Variants in ANO1 observed in about 807,000 individuals in gnomAD.
The protein encoded by ANO1 is anoctamin 1, also known as anoctamin-1.
ANO1 carries 59 observed loss-of-function variants against 124.0 expected under a neutral mutation model. The ratio of observed to expected loss-of-function variants is 0.48; its 90% CI spans 0.39 to 0.59. The LOEUF (loss-of-function observed/expected upper bound fraction) is 0.59. Ranked by LOEUF, ANO1 falls within the 20% of genes least tolerant of loss-of-function variation. The pLI is 0.00. For synonymous variants in ANO1, 529 were observed against 532.0 expected, an observed-to-expected ratio of 0.99 and a Z score of 0.08; for missense variants, 1,059 against 1,328.0, an observed-to-expected ratio of 0.80 and a Z score of 3.15.
chr11:70,065,603 C>G (rs1175692857), intron 1 of ANO1, among the ~76,000 whole-genome samples: 1 of 152,048 alleles, frequency 6.6e-6, no homozygotes, highest in Non-Finnish European at 1.5e-5. Context: ...GCCTGGCCCT[C>G]CCAACTTCCT....
Position 70,104,102 on chromosome 11 carries a change from A to T in ANO1, c.644A>T (p.Gln215Leu), listed in dbSNP as rs1041983301. 1.2e-5 allele frequency: 19 copies of T among 1,613,040 alleles called. No individual in the cohort carries two copies. Among genetic ancestry groups the T allele is most frequent in the Non-Finnish European group, 1.4e-5 (16 of 1,179,654 alleles). The change falls in exon 4 of 26, where the codon CAG becomes CTG. Residue 215 changes from glutamine (Q) to leucine (L), a missense_variant. By Grantham distance (113) the Gln-to-Leu change is moderately radical. This residue lies in a region of ANO1 where 809 missense variants were observed against 1,094.9 expected (regional missense o/e 0.74). Coordinates refer to ENST00000355303, the MANE Select transcript of ANO1 (RefSeq NM_018043.7). ...CCCAAAGTGGCTGAGCACAGGCCCC[A>T]GACCATGAAGAGACTCTCCTATCCC... ...IQPKVAEHRPQTMKRLSYPFS... is the reference protein window; with the variant it reads ...IQPKVAEHRPLTMKRLSYPFS...
upstream of ANO1, among the ~76,000 whole-genome samples, chr11:69,981,567 G>A (rs181851996): frequency 7.1e-4 from 108 of 152,324 alleles, no homozygotes; most frequent in African/African-American, 2.4e-3. Context: ...TATCAGAGCG[G>A]AGGACTGTCA....
chr11:70,067,950 C>G (rs1857772651), intron 1 of ANO1, among the ~76,000 whole-genome samples: 1 of 152,220 alleles, frequency 6.6e-6, no homozygotes, highest in Non-Finnish European at 1.5e-5. Flanking sequence ...ATCAGCCTCA[C>G]ACCTGCGGGT....
At chr11:70,021,992 C>G (rs1021410283) in intron 1 of ANO1, among the ~76,000 whole-genome samples, 1 of 152,188 alleles carries the variant, frequency 6.6e-6, no homozygotes, top group African/African-American at 2.4e-5. Flanking sequence ...CTGCTGTGTG[C>G]TCAGATCAGA....
At chr11:70,160,071 C>A (rs1164431869) in intron 16 of ANO1, among the ~76,000 whole-genome samples, 8 of 152,182 alleles carry the variant, frequency 5.3e-5, no homozygotes. Flanking sequence ...CAGGCTGCAA[C>A]TGGGAGACAC....
chr11:70,115,039 C>T (rs910914233), intron 7 of ANO1, among the ~76,000 whole-genome samples: 9 of 152,144 alleles, frequency 5.9e-5, no homozygotes, highest in African/African-American at 2.2e-4. Context: ...GCTGGGATCG[C>T]GTGGCTGTCT....
intron 1 of ANO1, among the ~76,000 whole-genome samples, chr11:70,062,726 C>T (rs1489452254): frequency 1.3e-5 from 2 of 152,178 alleles, no homozygotes; most frequent in Non-Finnish European, 1.5e-5. Context: ...CCTGCCTGTC[C>T]TCTGGGCCCA....
At chr11:69,989,665 G>A (rs1244585102) in intron 1 of ANO1, among the ~76,000 whole-genome samples, 8 of 152,126 alleles carry the variant, frequency 5.3e-5, no homozygotes, top group African/African-American at 1.9e-4. Flanking sequence ...GCTGACTTGG[G>A]TTCTAACAGG....
intron 24 of ANO1, among the ~76,000 whole-genome samples, chr11:70,185,029 TAA>T (rs1341088288): frequency 6.6e-6 from 1 of 152,178 alleles, no homozygotes; most frequent in Non-Finnish European, 1.5e-5. Context: ...ACCTGGCTAA[TAA>T]AGTGCTCAGA....
intron 1 of ANO1, among the ~76,000 whole-genome samples, chr11:70,057,684 G>A (rs1480902889): frequency 6.6e-6 from 1 of 152,126 alleles, no homozygotes; most frequent in Non-Finnish European, 1.5e-5. Flanking sequence ...AATGTCACAA[G>A]GTCGATTGAT....
At chr11:70,097,628 G>T (rs988523700) in intron 2 of ANO1, among the ~76,000 whole-genome samples, 4 of 152,216 alleles carry the variant, frequency 2.6e-5, no homozygotes, top group Admixed American at 1.3e-4. Context: ...GGGACAAGGG[G>T]CTCTGGGCCT....
chr11:70,105,873 T>C, intron 5 of ANO1, 85 bp downstream of exon 5: 1 of 1,383,004 alleles, frequency 7.2e-7, no homozygotes, highest in Non-Finnish European at 1.0e-6. Context: ...GTGAAACTCC[T>C]CCCGGTGGAA....
In ANO1 at chr11:70,066,779, C is replaced by T. The variant is rs933070610; in HGVS notation, c.59-11763C>T. Among the ~76,000 whole-genome samples the T allele has an allele frequency of 2.0e-5, 3 of 152,102 alleles. No homozygotes were observed. The South Asian group carries it at 6.2e-4, about 32-fold the overall frequency. Reference sequence around the variant, plus strand: ...AACTCCACGGTGGAGCAAAGCACCCCGGAGGCTGTCCTGGCACAACCTGAC... The same window carrying T: ...AACTCCACGGTGGAGCAAAGCACCCTGGAGGCTGTCCTGGCACAACCTGAC... On this transcript the variant is annotated intron_variant, in intron 1 of 27. Coordinates refer to the ANO1 transcript ENST00000531349.
At chr11:70,030,079 C>T (rs974471704) in intron 1 of ANO1, among the ~76,000 whole-genome samples, 1 of 152,120 alleles carries the variant, frequency 6.6e-6, no homozygotes, top group African/African-American at 2.4e-5. Flanking sequence ...TTGCTCAGGG[C>T]AGAGGGAAAC....
At chr11:69,975,298 G>A in the ANO1 span, among the ~76,000 whole-genome samples, 1 of 152,206 alleles carries the variant, frequency 6.6e-6, no homozygotes, top group African/African-American at 2.4e-5. Flanking sequence ...CACCAGTGGG[G>A]GATCCCCCAG....
chr11:70,127,537 A>G (rs563514615), intron 10 of ANO1, among the ~76,000 whole-genome samples: 2 of 152,318 alleles, frequency 1.3e-5, no homozygotes, highest in East Asian at 3.9e-4. Flanking sequence ...CTTCAGAACA[A>G]GAGTCCAGTT....
chr11:70,167,980 C>T (rs1342260375), intron 21 of ANO1, among the ~76,000 whole-genome samples: 2 of 152,180 alleles, frequency 1.3e-5, no homozygotes, highest in Non-Finnish European at 2.9e-5. Flanking sequence ...TGTGGGCTGG[C>T]GACAGCTGCC....
chr11:70,020,226 G>T (rs1856776604), intron 1 of ANO1, among the ~76,000 whole-genome samples: 1 of 152,198 alleles, frequency 6.6e-6, no homozygotes, highest in African/African-American at 2.4e-5. Flanking sequence ...GATAGCGAAA[G>T]CTTGGGACCC....
chr11:70,163,594 G>T (rs1486830572), intron 19 of ANO1: 3 of 601,384 alleles, frequency 5.0e-6, no homozygotes, highest in African/African-American at 3.7e-5. Context: ...ACAACATCTG[G>T]TTTTCTTTTC....
Sources: gnomAD v4.1 joint callset for allele counts (sites outside exome capture counted in the v4.1 genomes callset) on GRCh38, gnomAD v4.1.1 for gene constraint, gnomAD v4.1.1 regional missense constraint, MANE v1.5 for transcripts, NCBI Gene and HGNC (gene_info 2026-07-23, HGNC 2026-07-21) for gene names.